The following ZNF92 variants were observed in gnomAD, a reference collection of about 807,000 sequenced individuals.
ZNF92 encodes the protein zinc finger protein 92, also known as epididymis luminal protein 203.
A neutral mutation model predicts 12.4 loss-of-function variants in ZNF92; 11 were observed. The ratio of observed to expected loss-of-function variants is 0.89; its 90% CI spans 0.56 to 1.47. The LOEUF is 1.47. Among genes scored for constraint, ZNF92 ranks in the 40% most tolerant of loss-of-function variants. ZNF92 has a pLI of 0.00. For synonymous variants in ZNF92, 206 were observed against 228.6 expected (o/e 0.90, Z 0.89); for missense variants, 622 against 681.0 (o/e 0.91, Z 0.96).
At chr7:65,393,570 A>T (rs752892581) in intron 3 of ZNF92, among the ~76,000 whole-genome samples, 37 of 152,132 alleles carry the variant, frequency 2.4e-4, no homozygotes, top group Non-Finnish European at 4.1e-4. Flanking sequence ...TTTGAGAAAC[A>T]TGTATATAAT....
chr7:65,390,995 T>TCTA (rs1247646614), intron 3 of ZNF92, among the ~76,000 whole-genome samples: 1 of 152,108 alleles, frequency 6.6e-6, no homozygotes, highest in Non-Finnish European at 1.5e-5. Context: ...TTTTCTGGTC[T>TCTA]GTAGCCAAGA....
chr7:65,394,024 T>C (rs1793789087), intron 3 of ZNF92, among the ~76,000 whole-genome samples: 1 of 152,084 alleles, frequency 6.6e-6, no homozygotes, highest in Admixed American at 6.5e-5. Flanking sequence ...ACTTATTTCC[T>C]AGGGGACGTT....
Position 65,399,768 on chromosome 7 carries a change from C to G in ZNF92, c.1654C>G (p.Leu552Val). 6.2e-7 allele frequency: 1 copy of G among 1,613,460 alleles called. No homozygotes were observed. Among genetic ancestry groups the G allele is most frequent in the Non-Finnish European group, 8.5e-7 (1 of 1,179,664 alleles). ...CAAAGCCTTTAACAAGTTCTCAACC[C>G]TTATTACACATCAGATAATTTATAC... is the stretch of plus-strand genomic sequence containing the variant. ...CDKAFNKFST[L>V]ITHQIIYTGE... The change falls in exon 4 of 4, where the codon CTT becomes GTT. Residue 552 changes from leucine (L) to valine (V), a missense_variant. Coordinates refer to ENST00000328747, the MANE Select transcript of ZNF92 (RefSeq NM_152626.4).
chr7:65,388,726 T>C (rs1793634481), intron 2 of ZNF92, 80 bp from the exon 3 acceptor site: 1 of 1,139,074 alleles, frequency 8.8e-7, no homozygotes, highest in South Asian at 1.3e-5. Flanking sequence ...ATCTATTGCA[T>C]CCTCTTTACT....
Position 65,388,836 on chromosome 7 carries a change from C to G in ZNF92, c.161C>G (p.Thr54Ser). The G allele has an allele frequency of 6.3e-7, 1 of 1,585,262 alleles. No individual in the cohort carries two copies. The highest frequency in any genetic ancestry group is 8.6e-7 in the Non-Finnish European group (1 of 1,163,204). Residue 54 changes from threonine to serine, a missense_variant, in exon 3 of 4, where the codon ACC becomes AGC. Physicochemically the swap from Thr to Ser is moderately conservative, Grantham distance 58 (BLOSUM62 1). Transcript: ENST00000328747. ...GCTGTCTCTAAGCCAGACCTGATCA[C>G]CTGGCTGGAGCAAGGAAAAGAGCCC... Reference protein sequence around the residue: ...GIAVSKPDLITWLEQGKEPWN... With the variant: ...GIAVSKPDLISWLEQGKEPWN...
chr7:65,395,334 A>C (rs926002427), intron 3 of ZNF92, among the ~76,000 whole-genome samples: 2 of 152,128 alleles, frequency 1.3e-5, no homozygotes, highest in African/African-American at 4.8e-5. Context: ...GGTTATAGGC[A>C]TGAGCCCCTG....
Position 65,399,658 on chromosome 7 carries a change from G to A in ZNF92, c.1544G>A (p.Gly515Asp). 6.2e-7 allele frequency: 1 copy of A among 1,613,156 alleles called. No homozygotes were observed. Among genetic ancestry groups the A allele is most frequent in the Non-Finnish European group, 8.5e-7 (1 of 1,179,364 alleles). The change falls in exon 4 of 4, where the codon GGC becomes GAC. Residue 515 changes from glycine to aspartate, a missense_variant. Transcript: ENST00000328747. ...EGKSYKCEKCGNAFNQSSNLT... is the reference protein window; with the variant it reads ...EGKSYKCEKCDNAFNQSSNLT... ...AAATCCTACAAATGTGAAAAATGTG[G>A]CAATGCTTTTAACCAGTCCTCAAAC... is the stretch of plus-strand genomic sequence containing the variant.
In ZNF92 at chr7:65,389,548, C is replaced by T. The variant is rs564339556; in HGVS notation, c.226+647C>T. Among the ~76,000 whole-genome samples the T allele has an allele frequency of 1.2e-4, 18 of 151,844 alleles. 1 individual carries two copies. The highest frequency in any genetic ancestry group is 3.9e-4 in the East Asian group (2 of 5,148). On this transcript the variant is annotated intron_variant, in intron 3 of 3. Coordinates refer to ENST00000328747, the MANE Select transcript of ZNF92 (RefSeq NM_152626.4). ...TTTTTGTTTTTTTGAGACAGAGTCTCGCTCTGTCGCCAGGCTGGAGTGCAG... is the reference window on the plus strand; with the variant it reads ...TTTTTGTTTTTTTGAGACAGAGTCTTGCTCTGTCGCCAGGCTGGAGTGCAG...
chr7:65,374,030 G>C, intron 1 of ZNF92, 30 bp downstream of exon 1: 1 of 1,614,064 alleles, frequency 6.2e-7, no homozygotes, highest in Non-Finnish European at 8.5e-7. Context: ...CATCCCGAGA[G>C]AGGGGGAGGG....
At chr7:65,397,434 CTG>C (rs1241038621) in intron 3 of ZNF92, among the ~76,000 whole-genome samples, 1 of 151,698 alleles carries the variant, frequency 6.6e-6, no homozygotes, top group African/African-American at 2.4e-5. Flanking sequence ...CAGAAATCGT[CTG>C]TGTTTCTGTT....
intron 3 of ZNF92, among the ~76,000 whole-genome samples, chr7:65,389,252 G>A (rs1043184667): frequency 2.6e-5 from 4 of 152,042 alleles, no homozygotes; most frequent in African/African-American, 7.2e-5. Flanking sequence ...GAGCCACTGC[G>A]CCTGGCCTCA....
intron 3 of ZNF92, among the ~76,000 whole-genome samples, chr7:65,393,464 CAT>C (rs1423598557): frequency 6.6e-6 from 1 of 151,942 alleles, no homozygotes; most frequent in Non-Finnish European, 1.5e-5. Flanking sequence ...GTACAATAAA[CAT>C]AGATGTTCAA....
intron 3 of ZNF92, among the ~76,000 whole-genome samples, chr7:65,397,310 G>T (rs539660451): frequency 6.8e-6 from 1 of 147,616 alleles, no homozygotes; most frequent in Non-Finnish European, 1.5e-5. Context: ...ATCCTAGTTT[G>T]TCTAGCTTCT....
chr7:65,394,500 T>TC (rs1371380188), intron 3 of ZNF92, among the ~76,000 whole-genome samples: 1 of 152,158 alleles, frequency 6.6e-6, no homozygotes, highest in Non-Finnish European at 1.5e-5. Context: ...TTGTTCTTTT[T>TC]CATGGGTGTT....
chr7:65,386,517 A>G (rs1338434296), intron 1 of ZNF92, among the ~76,000 whole-genome samples: 2 of 152,120 alleles, frequency 1.3e-5, no homozygotes, highest in Non-Finnish European at 1.5e-5. Flanking sequence ...TTGAGGTTTC[A>G]TCTGTCTTCT....
intron 1 of ZNF92, among the ~76,000 whole-genome samples, chr7:65,376,900 G>A (rs1793257761): frequency 6.6e-6 from 1 of 152,086 alleles, no homozygotes; most frequent in African/African-American, 2.4e-5. Context: ...TAATTGGTGA[G>A]TTACATAGAT....
At chr7:65,374,582 G>GT (rs549084506) in intron 1 of ZNF92, among the ~76,000 whole-genome samples, 67 of 152,006 alleles carry the variant, frequency 4.4e-4, no homozygotes, top group Admixed American at 1.1e-3. Flanking sequence ...CAGTTACGTC[G>GT]TTTTTTAATT....
intron 1 of ZNF92, among the ~76,000 whole-genome samples, chr7:65,377,856 C>T (rs766954585): frequency 1.3e-5 from 2 of 152,108 alleles, no homozygotes; most frequent in Admixed American, 6.5e-5. Flanking sequence ...TGAGCCACTG[C>T]GCCCAGCCTG....
At chr7:65,378,985 G>C (rs1211196053) in intron 1 of ZNF92, among the ~76,000 whole-genome samples, 1 of 151,958 alleles carries the variant, frequency 6.6e-6, no homozygotes, top group African/African-American at 2.4e-5. Context: ...ATTTTTCCCT[G>C]CTTCTTTTTT....
Sources: allele counts gnomAD v4.1 joint callset (sites outside exome capture counted in the v4.1 genomes callset), GRCh38; gene constraint gnomAD v4.1.1; transcripts MANE v1.5; gene names NCBI Gene and HGNC (gene_info 2026-07-23, HGNC 2026-07-21).